ITGB5: variants seen among roughly 807,000 people sequenced by gnomAD.
ITGB5 encodes the protein integrin beta-5.
ITGB5 carries 38 observed loss-of-function variants against 84.8 expected under a neutral mutation model. That is an observed-to-expected ratio of 0.45 (90% CI 0.35 to 0.59). The LOEUF (loss-of-function observed/expected upper bound fraction) is 0.59. ITGB5 is among the 20% of genes least tolerant of loss of function. The pLI is 0.01. For missense variants in ITGB5, 905 were observed against 1,034.5 expected, an observed-to-expected ratio of 0.87 and a Z score of 1.72; for synonymous variants, 393 against 414.4, an observed-to-expected ratio of 0.95 and a Z score of 0.63.
chr3:124,791,295 C>T (rs182028113), intron 10 of ITGB5: 93 of 152,326 alleles, frequency 6.1e-4, no homozygotes, highest in African/African-American at 2.2e-3. Context: ...CTAAGTCAAG[C>T]TGCCTCTAGA....
chr3:124,864,082 C>A, intron 2 of ITGB5, among the ~76,000 whole-genome samples: 1 of 133,148 alleles, frequency 7.5e-6, no homozygotes, highest in African/African-American at 2.7e-5. Flanking sequence ...AAAAATGTCT[C>A]AAGACCTATA....
At chr3:124,853,019 C>A (rs1330674297) in intron 3 of ITGB5, among the ~76,000 whole-genome samples, 1 of 152,022 alleles carries the variant, frequency 6.6e-6, no homozygotes, top group Non-Finnish European at 1.5e-5. Flanking sequence ...TTTATTTTTT[C>A]TTCTTTCTTC....
intron 3 of ITGB5, 51 bp downstream of exon 3, chr3:124,859,191 C>A (rs558141853): frequency 1.1e-5 from 17 of 1,552,888 alleles, no homozygotes; most frequent in Non-Finnish European, 1.5e-5. Flanking sequence ...CCACCTCCCC[C>A]ATGGGCCTTC....
At chr3:124,833,526 C>T (rs2107581533) in intron 5 of ITGB5, among the ~76,000 whole-genome samples, 1 of 152,336 alleles carries the variant, frequency 6.6e-6, no homozygotes, top group South Asian at 2.1e-4. Flanking sequence ...ATTTATTGGA[C>T]AGCCAATAAA....
intron 1 of ITGB5, among the ~76,000 whole-genome samples, chr3:124,881,069 G>A (rs55996060): frequency 0.17 from 25,749 of 151,660 alleles, 2,423 homozygotes; most frequent in Admixed American, 0.21. Flanking sequence ...CTGCAACCTC[G>A]GCCTCCAAAG....
chr3:124,805,915 C>T (rs567143113), intron 9 of ITGB5, among the ~76,000 whole-genome samples: 3 of 152,206 alleles, frequency 2.0e-5, no homozygotes, highest in Admixed American at 6.5e-5. Flanking sequence ...ATCTCAATTT[C>T]GAAAAATATT....
At chr3:124,793,031 C>T (rs2064171785) in intron 10 of ITGB5, 1 of 152,118 alleles carries the variant, frequency 6.6e-6, no homozygotes, top group Non-Finnish European at 1.5e-5. Flanking sequence ...ACAGAGGAGG[C>T]ATCTAACATC....
chr3:124,838,848 G>C (rs563170660), intron 5 of ITGB5, among the ~76,000 whole-genome samples: 2 of 152,252 alleles, frequency 1.3e-5, no homozygotes, highest in South Asian at 4.1e-4. Flanking sequence ...TGATCTGCCC[G>C]CCTCAGCCTC....
At chr3:124,853,568 C>T (rs534637359) in intron 3 of ITGB5, among the ~76,000 whole-genome samples, 2 of 152,230 alleles carry the variant, frequency 1.3e-5, no homozygotes, top group African/African-American at 2.4e-5. Context: ...AGACTTTCTT[C>T]GTCTATTTAA....
intron 8 of ITGB5, among the ~76,000 whole-genome samples, chr3:124,814,478 TAA>T (rs71625774): frequency 0.011 from 1,525 of 134,924 alleles, 19 homozygotes; most frequent in East Asian, 0.045. Flanking sequence ...TTTTCCAATT[TAA>T]AAAAAAAAAA....
At chr3:124,773,654 T>G in intron 11 of ITGB5, 36 bp downstream of exon 11, 18 of 1,593,652 alleles carry the variant, frequency 1.1e-5, no homozygotes, top group African/African-American at 1.3e-5. Context: ...CTGGCCTGGG[T>G]GAGAAGTAAG....
At chr3:124,874,399 T>G (rs767216796) in intron 1 of ITGB5, among the ~76,000 whole-genome samples, 1 of 151,972 alleles carries the variant, frequency 6.6e-6, no homozygotes, top group Non-Finnish European at 1.5e-5. Context: ...TTGGAAGAAT[T>G]AATATTGTCA....
intron 11 of ITGB5, among the ~76,000 whole-genome samples, chr3:124,771,381 C>T (rs2063841274): frequency 1.3e-5 from 2 of 151,964 alleles, no homozygotes; most frequent in South Asian, 4.2e-4. Context: ...AAAAGGACTT[C>T]GTTTAAAAAG....
intron 8 of ITGB5, among the ~76,000 whole-genome samples, chr3:124,816,701 G>A (rs535697405): frequency 7.9e-5 from 12 of 152,268 alleles, no homozygotes; most frequent in African/African-American, 2.2e-4. Context: ...GTTATGAATC[G>A]AGGGAAAGGA....
intron 4 of ITGB5, among the ~76,000 whole-genome samples, chr3:124,844,105 T>A (rs1013485567): frequency 1.3e-5 from 2 of 149,450 alleles, no homozygotes; most frequent in African/African-American, 4.9e-5. Context: ...TAAAATTTTT[T>A]AATATATAGC....
At chr3:124,828,760 C>G (rs848787) in intron 5 of ITGB5, among the ~76,000 whole-genome samples, 53,410 of 152,064 alleles carry the variant, frequency 0.35, 10,115 homozygotes, top group African/African-American at 0.5. Context: ...TGGGATTACA[C>G]GCATGCGCCA....
chr3:124,874,365 G>C (rs1316158508), intron 1 of ITGB5, among the ~76,000 whole-genome samples: 2 of 150,874 alleles, frequency 1.3e-5, no homozygotes, highest in Non-Finnish European at 2.9e-5. Flanking sequence ...TCCCCAAAAT[G>C]GAAAGATATC....
chr3:124,812,737 C>T (rs578199596), intron 8 of ITGB5, among the ~76,000 whole-genome samples: 2 of 152,288 alleles, frequency 1.3e-5, no homozygotes, highest in African/African-American at 2.4e-5. Context: ...TGTATAAATC[C>T]AACTTGATTT....
chr3:124,773,064 C>A (rs2063870923), intron 11 of ITGB5, among the ~76,000 whole-genome samples: 1 of 152,030 alleles, frequency 6.6e-6, no homozygotes, highest in African/African-American at 2.4e-5. Flanking sequence ...TGCCACCACA[C>A]CCCGCTAATT....
Sources: allele counts gnomAD v4.1 joint callset (sites outside exome capture counted in the v4.1 genomes callset), GRCh38; gene constraint gnomAD v4.1.1; transcripts MANE v1.5; gene names NCBI Gene and HGNC (gene_info 2026-07-23, HGNC 2026-07-21).